ARHGEF2: variants seen among roughly 807,000 people sequenced by gnomAD.
ARHGEF2 encodes the protein Rho/Rac guanine nucleotide exchange factor 2.
Under a neutral mutation model 121.0 loss-of-function variants are expected in ARHGEF2, and 22 were observed. The ratio of observed to expected loss-of-function variants is 0.18; its 90% CI spans 0.13 to 0.26. ARHGEF2 has a LOEUF of 0.26. Among genes scored for constraint, ARHGEF2 ranks in the 10% least tolerant of loss-of-function variants. ARHGEF2 has a pLI of 1.00. For synonymous variants in ARHGEF2, 487 were observed against 530.0 expected (o/e 0.92, Z 1.11); for missense variants, 907 against 1,336.0 (o/e 0.68, Z 5.01).
upstream of ARHGEF2, among the ~76,000 whole-genome samples, chr1:155,979,534 A>G (rs553646607): frequency 1.7e-4 from 26 of 152,314 alleles, no homozygotes; most frequent in African/African-American, 5.5e-4. Flanking sequence ...TCTGCCTCTC[A>G]GGGTCTCCCA....
chr1:155,962,091 G>A lies in ARHGEF2; in HGVS notation c.1219+14C>T. ...CCGTCTCCCAGTGGCCCTCTCCTGG[G>A]CCTGCCTACTCACCGTGGGAATGCT... On this transcript the variant is annotated intron_variant, in intron 10 of 21. Coordinates refer to ENST00000361247, the MANE Select transcript of ARHGEF2 (RefSeq NM_001162383.2). This position sits in a 1 kb window ranked among gnomAD's most constrained non-coding sequence, Gnocchi z 5.8. 1 of 1,613,612 alleles carries A rather than the reference G, an allele frequency of 6.2e-7. No individual in the cohort carries two copies. The highest frequency in any genetic ancestry group is 8.5e-7 in the Non-Finnish European group (1 of 1,179,622).
intron 1 of ARHGEF2, 194 bp from the exon 2 acceptor site, chr1:155,969,494 G>C: frequency 2.8e-6 from 4 of 1,419,252 alleles, no homozygotes; most frequent in Non-Finnish European, 3.7e-6. Flanking sequence ...GCCAGGCTCT[G>C]GGGCAGCCAG....
Position 155,962,798 on chromosome 1 carries a change from G to T in ARHGEF2, c.976-80C>A. On this transcript the variant is annotated intron_variant, in intron 8 of 21. Transcript: ENST00000361247. The surrounding 1 kb of genome is among the most constrained non-coding windows in gnomAD (Gnocchi z 5.8). The stretch of plus-strand genomic sequence containing the variant: ...CCACTGGACACACCTCTGGCCTCCT[G>T]CCAAACAGGCTGGCTTCCTGTTTCT... The T allele has an allele frequency of 6.3e-7, 1 of 1,599,002 alleles. No homozygotes were observed. The highest frequency in any genetic ancestry group is 1.1e-5 in the South Asian group (1 of 89,014).
intron 1 of ARHGEF2, chr1:155,971,142 G>A: frequency 1.0e-6 from 1 of 981,768 alleles, no homozygotes; most frequent in African/African-American, 1.7e-5. Context: ...AGGAAGCTGA[G>A]CTGCCTCTAG....
At position 155,951,461 on chromosome 1, in the gene ARHGEF2, T is replaced by C. The variant is rs1675443062; in HGVS notation, c.2259+22A>G. 1 of 1,614,084 alleles carries C rather than the reference T, an allele frequency of 6.2e-7. No homozygotes were observed. Among genetic ancestry groups the C allele is most frequent in the Non-Finnish European group, 8.5e-7 (1 of 1,179,944 alleles). The stretch of plus-strand genomic sequence containing the variant: ...CTAGCCTGGCTCCTCCCCTTCCCCA[T>C]TCAAGCCCTTGTCCTACTGACCTGT... On this transcript the variant is annotated intron_variant, in intron 19 of 21. Transcript: ENST00000361247. The surrounding 1 kb of genome is among the most constrained non-coding windows in gnomAD (Gnocchi z 5.1).
Position 155,950,436 on chromosome 1 carries a change from G to A in ARHGEF2, c.2750C>T (p.Ser917Phe), listed in dbSNP as rs928090442. The A allele has an allele frequency of 6.2e-7, 1 of 1,614,064 alleles. No homozygotes were observed. The highest frequency in any genetic ancestry group is 1.3e-5 in the African/African-American group (1 of 75,056). ...DRLDLPVTTR[S>F]VHRNFEDRER... The stretch of plus-strand genomic sequence containing the variant: ...TCGGTCCTCAAAGTTTCGATGGACA[G>A]AGCGAGTAGTGACAGGTAGATCCAG... Residue 917 changes from serine (S) to phenylalanine (F), a missense_variant, in exon 21 of 22, where the codon TCT (serine) becomes TTT (phenylalanine). This residue lies in a region of ARHGEF2 where 432 missense variants were observed against 559.5 expected (regional missense o/e 0.77). Transcript: ENST00000361247. This position sits in a 1 kb window ranked among gnomAD's most constrained non-coding sequence, Gnocchi z 5.2.
rs1572123125 is a variant in ARHGEF2 at position 155,961,975 on chromosome 1, GT to G, written c.1220-67del. 14 of 1,605,640 alleles carry G rather than the reference GT, an allele frequency of 8.7e-6. No individual in the cohort carries two copies. In the East Asian group the frequency reaches 3.1e-4, roughly 36 times the overall value. ...TCACTCACACCCCAGTTCCCATCGTGTCTTGATTCCACCTTTAGAGGCTGCC... is the reference window on the plus strand; with the variant it reads ...TCACTCACACCCCAGTTCCCATCGTGCTTGATTCCACCTTTAGAGGCTGCC... On this transcript the variant is annotated intron_variant, in intron 10 of 21. Transcript: ENST00000361247. This position sits in a 1 kb window ranked among gnomAD's most constrained non-coding sequence, Gnocchi z 4.7.
intron 13 of ARHGEF2, among the ~76,000 whole-genome samples, chr1:155,956,383 G>A (rs1676680214): frequency 6.6e-6 from 1 of 151,826 alleles, no homozygotes; most frequent in African/African-American, 2.4e-5. Context: ...ACAGGCGTGA[G>A]CCACTGTGCC....
In ARHGEF2 at chr1:155,947,227, G is replaced by A. The variant is rs577979719; in HGVS notation, c.*715C>T. On this transcript the variant is annotated 3_prime_UTR_variant, in exon 22 of 22. Coordinates refer to ENST00000361247, the MANE Select transcript of ARHGEF2 (RefSeq NM_001162383.2). Reference sequence around the variant, plus strand: ...ACGATCTCTTAAAAATATAAAACACGTGCAGTTGACTTTGGTACAAAAAAG... The same window carrying A: ...ACGATCTCTTAAAAATATAAAACACATGCAGTTGACTTTGGTACAAAAAAG... 4 of 390,104 alleles carry A rather than the reference G, an allele frequency of 1.0e-5. No individual in the cohort carries two copies. In the East Asian group the frequency reaches 2.2e-4, roughly 21 times the overall value. The allele number at this position is 390,104 out of a possible 1,614,324, so 24.2% of individuals were successfully genotyped here. A position where few individuals can be genotyped will look rare whatever the true frequency, so the allele number is the denominator to read the frequency against.
intron 14 of ARHGEF2, 67 bp downstream of exon 14, chr1:155,954,835 G>A: frequency 6.9e-7 from 1 of 1,440,680 alleles, no homozygotes; most frequent in Non-Finnish European, 9.7e-7. Flanking sequence ...CTTTTTAACA[G>A]TTGCATAATA....
intron 7 of ARHGEF2, among the ~76,000 whole-genome samples, chr1:155,963,873 G>A (rs1014510350): frequency 1.3e-5 from 2 of 150,692 alleles, no homozygotes; most frequent in African/African-American, 4.9e-5. Flanking sequence ...GGCTGGGCAC[G>A]GTGGCTCACG....
In ARHGEF2 at chr1:155,962,502, T is replaced by G. The variant is rs1166713128; in HGVS notation, c.1101+91A>C. The G allele has an allele frequency of 6.4e-7, 1 of 1,560,098 alleles. No homozygotes were observed. Among genetic ancestry groups the G allele is most frequent in the African/African-American group, 1.4e-5 (1 of 73,686 alleles). On this transcript the variant is annotated intron_variant, in intron 9 of 21. Coordinates refer to ENST00000361247, the MANE Select transcript of ARHGEF2 (RefSeq NM_001162383.2). This position sits in a 1 kb window ranked among gnomAD's most constrained non-coding sequence, Gnocchi z 5.8. ...CTGCACGGGTGGCGAATGCCTGACC[T>G]CCATGTGGGTGCAGCTCACAGGCAC...
At chr1:155,952,515 T>G in intron 15 of ARHGEF2, 113 bp downstream of exon 15, 1 of 1,269,242 alleles carries the variant, frequency 7.9e-7, no homozygotes, top group Non-Finnish European at 1.1e-6. Flanking sequence ...GGGCCGTTTA[T>G]GGTTTATAGG....
upstream of ARHGEF2, chr1:155,978,735 T>C (rs1681810428): frequency 1.3e-6 from 1 of 783,404 alleles, no homozygotes; most frequent in Non-Finnish European, 1.6e-6. The surrounding 1 kb of genome is among the most constrained non-coding windows in gnomAD (Gnocchi z 4.1). Flanking sequence ...CCCCTCTGCC[T>C]ATTTCCCCTC....
chr1:155,974,721 G>A (rs1399775255), intron 1 of ARHGEF2, among the ~76,000 whole-genome samples: 3 of 152,078 alleles, frequency 2.0e-5, no homozygotes, highest in Non-Finnish European at 4.4e-5. Context: ...CGGGTGAAAC[G>A]GAAGAGGATT....
In ARHGEF2 at chr1:155,951,851, G is replaced by A; in HGVS notation, c.2172+68C>T. ...TGCCTGCCCCTGACAGCTTTGTGTT[G>A]AGGATCCAGAGGCTGGCTGTCCCTC... On this transcript the variant is annotated intron_variant, in intron 17 of 21. Coordinates refer to ENST00000361247, the MANE Select transcript of ARHGEF2 (RefSeq NM_001162383.2). This position sits in a 1 kb window ranked among gnomAD's most constrained non-coding sequence, Gnocchi z 5.1. The A allele has an allele frequency of 7.4e-6, 12 of 1,612,816 alleles. No individual in the cohort carries two copies. Among genetic ancestry groups the A allele is most frequent in the Non-Finnish European group, 1.0e-5 (12 of 1,179,616 alleles).
In ARHGEF2 at chr1:155,969,232, G is replaced by A. The variant is rs1020185444; in HGVS notation, c.132C>T (p.Thr44=). 10 of 1,614,226 alleles carry A rather than the reference G, an allele frequency of 6.2e-6. No homozygotes were observed. Among genetic ancestry groups the A allele is most frequent in the Non-Finnish European group, 8.5e-6 (10 of 1,180,024 alleles). ...ARYTNGHLFT[T]ISVSGMTMCY... Reference sequence around the variant, plus strand: ...ACATGGTCATGCCTGAAACTGAAATGGTGGTGAAGAGGTGCCCATTGGTAT... The same window carrying A: ...ACATGGTCATGCCTGAAACTGAAATAGTGGTGAAGAGGTGCCCATTGGTAT... Residue 44 remains threonine (T), a synonymous_variant, in exon 2 of 22, where the codon ACC becomes ACT. Coordinates refer to ENST00000361247, the MANE Select transcript of ARHGEF2 (RefSeq NM_001162383.2).
rs1305579961 is a variant in ARHGEF2, at chr1:155,951,847, T to G, written c.2173-71A>C. 3.7e-6 allele frequency: 6 copies of G among 1,613,020 alleles called. No homozygotes were observed. Among genetic ancestry groups the G allele is most frequent in the Non-Finnish European group, 5.1e-6 (6 of 1,179,738 alleles). The stretch of plus-strand genomic sequence containing the variant: ...TGGGTGCCTGCCCCTGACAGCTTTG[T>G]GTTGAGGATCCAGAGGCTGGCTGTC... On this transcript the variant is annotated intron_variant, in intron 17 of 21. Transcript: ENST00000361247. This position sits in a 1 kb window ranked among gnomAD's most constrained non-coding sequence, Gnocchi z 5.1.
At position 155,951,828 on chromosome 1, in the gene ARHGEF2, C is replaced by T. The variant is rs1675529060; in HGVS notation, c.2173-52G>A. On this transcript the variant is annotated intron_variant, in intron 17 of 21. Transcript: ENST00000361247. This position sits in a 1 kb window ranked among gnomAD's most constrained non-coding sequence, Gnocchi z 5.1. ...TCAGCAGGCACACAAATCCTGGGTG[C>T]CTGCCCCTGACAGCTTTGTGTTGAG... 2 of 1,613,144 alleles carry T rather than the reference C, an allele frequency of 1.2e-6. No homozygotes were observed. Among genetic ancestry groups the T allele is most frequent in the Non-Finnish European group, 1.7e-6 (2 of 1,179,830 alleles).
Sources: allele counts gnomAD v4.1 joint callset (sites outside exome capture counted in the v4.1 genomes callset), GRCh38; gene constraint gnomAD v4.1.1; regional missense constraint gnomAD v4.1.1; non-coding constraint Gnocchi (gnomAD v3.1); transcripts MANE v1.5; gene names NCBI Gene and HGNC (gene_info 2026-07-23, HGNC 2026-07-21).